LRP1B: variants seen among roughly 807,000 people sequenced by gnomAD.
The protein encoded by LRP1B is low-density lipoprotein receptor-related protein 1B.
LRP1B carries 217 observed loss-of-function variants against 556.6 expected under a neutral mutation model. That is an observed-to-expected ratio of 0.39 (90% confidence interval 0.35 to 0.44). The LOEUF is 0.44. LRP1B is among the 20% of genes least tolerant of loss of function. LRP1B has a pLI of 1.00. For missense variants in LRP1B, 5,053 were observed against 5,620.8 expected (o/e 0.90, Z 3.23); for synonymous variants, 2,047 against 1,865.8 (o/e 1.10, Z -2.50).
At chr2:141,937,088 A>AT (rs397785931) in intron 1 of LRP1B, among the ~76,000 whole-genome samples, 34 of 151,580 alleles carry the variant, frequency 2.2e-4, no homozygotes, top group Non-Finnish European at 4.1e-4. Context: ...GATATAAAAA[A>AT]CCTTTAAAAA....
intron 43 of LRP1B, among the ~76,000 whole-genome samples, chr2:140,549,476 C>T (rs1199734436): frequency 6.6e-6 from 1 of 152,102 alleles, no homozygotes; most frequent in African/African-American, 2.4e-5. Context: ...ATGGTGTAAG[C>T]CCACTACAGC....
intron 2 of LRP1B, among the ~76,000 whole-genome samples, chr2:141,758,716 T>C (rs983817563): frequency 1.3e-5 from 2 of 152,122 alleles, no homozygotes; most frequent in Non-Finnish European, 1.5e-5. Flanking sequence ...ATTTATACTC[T>C]AGTGCAAAGT....
In LRP1B at chr2:140,358,951, AG is replaced by A. The variant is rs1228176927; in HGVS notation, c.11132-6del. 1.5e-5 allele frequency: 24 copies of A among 1,604,438 alleles called. No homozygotes were observed. The highest frequency in any genetic ancestry group is 2.0e-5 in the Non-Finnish European group (24 of 1,173,986). On this transcript the variant is annotated splice_polypyrimidine_tract_variant and splice_region_variant and intron_variant, in intron 72 of 90. Coordinates refer to ENST00000389484, the MANE Select transcript of LRP1B (RefSeq NM_018557.3). Reference sequence around the variant, plus strand: ...TGGATGGACAAAGAAATTTGACTGAAGAAAAAGAAGAAAAAACAAAGAAGCT... The same window carrying A: ...TGGATGGACAAAGAAATTTGACTGAAAAAAAGAAGAAAAAACAAAGAAGCT...
chr2:140,750,249 A>G (rs1174997772), intron 35 of LRP1B, among the ~76,000 whole-genome samples: 1 of 152,166 alleles, frequency 6.6e-6, no homozygotes, highest in Non-Finnish European at 1.5e-5. Context: ...TGGTCATCAG[A>G]AGTCTAGCAG....
chr2:140,854,615 T>C (rs1692559833), intron 27 of LRP1B, among the ~76,000 whole-genome samples: 1 of 152,220 alleles, frequency 6.6e-6, no homozygotes, highest in Non-Finnish European at 1.5e-5. Flanking sequence ...AAAGCAGGGA[T>C]TAGCAGACAC....
intron 11 of LRP1B, among the ~76,000 whole-genome samples, chr2:141,045,751 C>T (rs576491790): frequency 1.3e-5 from 2 of 152,072 alleles, no homozygotes; most frequent in African/African-American, 4.8e-5. Context: ...GGCCCCGATA[C>T]GGCATTCACT....
intron 1 of LRP1B, among the ~76,000 whole-genome samples, chr2:141,930,128 T>C (rs955422380): frequency 6.6e-6 from 1 of 151,938 alleles, no homozygotes; most frequent in Admixed American, 6.6e-5. Context: ...TTCTGGCACA[T>C]GCAAACCACC....
intron 23 of LRP1B, among the ~76,000 whole-genome samples, chr2:140,887,625 C>A (rs1693677413): frequency 6.6e-6 from 1 of 152,058 alleles, no homozygotes; most frequent in African/African-American, 2.4e-5. Context: ...TTCATGGCAG[C>A]ATTATTCATA....
At chr2:140,732,982 C>A (rs1687827441) in intron 35 of LRP1B, among the ~76,000 whole-genome samples, 1 of 152,060 alleles carries the variant, frequency 6.6e-6, no homozygotes, top group South Asian at 2.1e-4. Flanking sequence ...AGAGATATAA[C>A]AATTCTCTCT....
intron 11 of LRP1B, among the ~76,000 whole-genome samples, chr2:141,035,896 A>G (rs899705481): frequency 2.6e-5 from 4 of 152,132 alleles, no homozygotes; most frequent in Admixed American, 6.6e-5. Flanking sequence ...CTATGTTTTA[A>G]TTGATTCTAA....
intron 15 of LRP1B, among the ~76,000 whole-genome samples, chr2:140,994,817 C>G (rs1323179108): frequency 6.6e-6 from 1 of 151,890 alleles, no homozygotes; most frequent in Non-Finnish European, 1.5e-5. Context: ...CAAACATACA[C>G]AGAAATAAAT....
intron 17 of LRP1B, among the ~76,000 whole-genome samples, chr2:140,982,820 C>G (rs985656523): frequency 4.0e-5 from 6 of 151,100 alleles, no homozygotes; most frequent in African/African-American, 1.2e-4. Context: ...AGTGAGAGTG[C>G]AGAGAATATT....
At chr2:140,799,166 A>C (rs573734481) in intron 32 of LRP1B, among the ~76,000 whole-genome samples, 2 of 152,218 alleles carry the variant, frequency 1.3e-5, no homozygotes, top group East Asian at 3.8e-4. Context: ...ACAAATTAAT[A>C]TACAGTCTTA....
At chr2:141,139,781 A>ATGTGTGTGTGTGTG (rs58413685) in intron 7 of LRP1B, among the ~76,000 whole-genome samples, 3 of 148,036 alleles carry the variant, frequency 2.0e-5, no homozygotes, top group Non-Finnish European at 4.5e-5. Context: ...CATTGGAAAA[A>ATGTGTGTGTGTGTG]TGTGTGTGTG....
chr2:140,552,942 G>A (rs912386774), intron 43 of LRP1B, among the ~76,000 whole-genome samples: 2 of 151,910 alleles, frequency 1.3e-5, no homozygotes, highest in African/African-American at 4.8e-5. Flanking sequence ...GAACTTCACT[G>A]GTGCCTTGTT....
intron 80 of LRP1B, among the ~76,000 whole-genome samples, chr2:140,324,618 CTAAAAA>C (rs1004803398): frequency 1.8e-4 from 28 of 151,894 alleles, no homozygotes; most frequent in Admixed American, 1.4e-3. Flanking sequence ...ATTAGTTTGT[CTAAAAA>C]TAATAGTAAC....
In LRP1B at chr2:140,956,060, G is replaced by A. The variant is rs919045702; in HGVS notation, c.2888-4120C>T. On this transcript the variant is annotated intron_variant, in intron 18 of 90. Coordinates refer to ENST00000389484, the MANE Select transcript of LRP1B (RefSeq NM_018557.3). ...TAATGACAAGATAAGAATATTGTAC[G>A]AGTCCAGATTTAGGAAAGTATTATC... Among the ~76,000 whole-genome samples, 16 of 151,696 alleles carry A rather than the reference G, an allele frequency of 1.1e-4. No homozygotes were observed. The East Asian group carries it at 1.7e-3, about 16-fold the overall frequency.
chr2:140,299,652 TAC>T (rs1379585053), intron 83 of LRP1B, among the ~76,000 whole-genome samples: 1 of 151,900 alleles, frequency 6.6e-6, no homozygotes, highest in Admixed American at 6.6e-5. Flanking sequence ...AAAACAAAGC[TAC>T]AGGACAACAA....
chr2:140,307,202 A>C (rs896777102), intron 83 of LRP1B, among the ~76,000 whole-genome samples: 2 of 151,914 alleles, frequency 1.3e-5, no homozygotes, highest in African/African-American at 4.8e-5. Flanking sequence ...TTGATATTTA[A>C]ATTGTGTAAC....
Sources: allele counts gnomAD v4.1 joint callset (sites outside exome capture counted in the v4.1 genomes callset), GRCh38; gene constraint gnomAD v4.1.1; transcripts MANE v1.5; gene names NCBI Gene and HGNC (gene_info 2026-07-23, HGNC 2026-07-21).